Variants in PARP8 observed in about 807,000 individuals in gnomAD.
The protein encoded by PARP8 is poly(ADP-ribose) polymerase family member 8, also known as protein mono-ADP-ribosyltransferase PARP8.
In PARP8, 51 loss-of-function variants were observed where a neutral mutation model predicts 124.1. That is an observed-to-expected ratio of 0.41 (90% CI 0.33 to 0.52). The LOEUF (loss-of-function observed/expected upper bound fraction) is 0.52. PARP8 is among the 20% of genes least tolerant of loss of function. PARP8 has a pLI of 0.21. For synonymous variants in PARP8, 391 were observed against 361.5 expected (o/e 1.08, Z -0.93); for missense variants, 860 against 1,018.9 (o/e 0.84, Z 2.12).
At chr5:50,670,914 C>T (rs1033212988) in intron 2 of PARP8, among the ~76,000 whole-genome samples, 4 of 152,178 alleles carry the variant, frequency 2.6e-5, no homozygotes, top group African/African-American at 7.2e-5. Flanking sequence ...GTAGCATTTA[C>T]ATATGCTTGA....
At chr5:50,732,792 G>C (rs1257745469) in intron 2 of PARP8, among the ~76,000 whole-genome samples, 1 of 151,576 alleles carries the variant, frequency 6.6e-6, no homozygotes, top group Admixed American at 6.6e-5. Flanking sequence ...CTAATTTTTT[G>C]TATTTTTATT....
At chr5:50,724,368 T>C (rs1756205256) in intron 2 of PARP8, among the ~76,000 whole-genome samples, 1 of 152,156 alleles carries the variant, frequency 6.6e-6, no homozygotes, top group Non-Finnish European at 1.5e-5. Context: ...ATCAAATGTG[T>C]TGCTTTATTT....
intron 2 of PARP8, among the ~76,000 whole-genome samples, chr5:50,700,395 G>A (rs1753470363): frequency 1.3e-5 from 2 of 152,166 alleles, no homozygotes; most frequent in African/African-American, 2.4e-5. Context: ...AAGATAATAA[G>A]TTTAAAGATA....
At chr5:50,711,313 A>G (rs1442605014) in intron 2 of PARP8, among the ~76,000 whole-genome samples, 1 of 152,122 alleles carries the variant, frequency 6.6e-6, no homozygotes, top group East Asian at 1.9e-4. Flanking sequence ...GTGAAAATGC[A>G]TGGCCCTCTC....
rs994861595 is a variant in PARP8, at chr5:50,810,602, C to T, written c.1576-4830C>T. ...TTGAATAAGATGTTCCTTCTGTGAG[C>T]GAGAGAGACATCTAATCACTTAATG... On this transcript the variant is annotated intron_variant, in intron 14 of 25. Coordinates refer to ENST00000281631, the MANE Select transcript of PARP8 (RefSeq NM_024615.4). Among the ~76,000 whole-genome samples the T allele has an allele frequency of 7.2e-5, 11 of 152,018 alleles. No homozygotes were observed. In the East Asian group the frequency reaches 1.2e-3, roughly 16 times the overall value.
intron 9 of PARP8, among the ~76,000 whole-genome samples, chr5:50,786,797 A>G (rs1284030813): frequency 6.6e-6 from 1 of 151,674 alleles, no homozygotes; most frequent in African/African-American, 2.4e-5. Flanking sequence ...TCTCTCCTCC[A>G]CCTACATAGA....
intron 14 of PARP8, among the ~76,000 whole-genome samples, chr5:50,810,538 A>G (rs1398618280): frequency 6.6e-6 from 1 of 152,010 alleles, no homozygotes; most frequent in East Asian, 1.9e-4. Flanking sequence ...CAATATAACT[A>G]CTTGTGTGTC....
At chr5:50,741,414 C>T (rs749795528) in intron 2 of PARP8, among the ~76,000 whole-genome samples, 5 of 152,040 alleles carry the variant, frequency 3.3e-5, no homozygotes, top group Non-Finnish European at 7.4e-5. Context: ...GTAAAAAAAC[C>T]ATTTTCTCAC....
chr5:50,739,362 CT>C (rs200386136), intron 2 of PARP8, among the ~76,000 whole-genome samples: 2,243 of 148,902 alleles, frequency 0.015, 58 homozygotes, highest in African/African-American at 0.054. Flanking sequence ...ATTTATTCTG[CT>C]TTTACTCATT....
intron 2 of PARP8, among the ~76,000 whole-genome samples, chr5:50,696,911 G>T (rs1753089968): frequency 6.6e-6 from 1 of 152,230 alleles, no homozygotes; most frequent in East Asian, 1.9e-4. Context: ...TGCCTTGGGT[G>T]TTCTTTTTCT....
At chr5:50,673,122 G>A (rs1443792639) in intron 2 of PARP8, among the ~76,000 whole-genome samples, 3 of 152,098 alleles carry the variant, frequency 2.0e-5, no homozygotes, top group Admixed American at 6.5e-5. Flanking sequence ...TTTTTTAAAA[G>A]TGTGTTCCTT....
chr5:50,679,546 A>G (rs938702663), intron 2 of PARP8, among the ~76,000 whole-genome samples: 3 of 152,160 alleles, frequency 2.0e-5, no homozygotes, highest in African/African-American at 7.2e-5. Context: ...CCACCCTCCC[A>G]TATCCTTAGA....
In PARP8 at chr5:50,842,164, A is replaced by G; in HGVS notation, c.*96A>G. The G allele has an allele frequency of 2.4e-6, 2 of 847,140 alleles. No individual in the cohort carries two copies. The highest frequency in any genetic ancestry group is 2.9e-5 in the East Asian group (1 of 34,246). 52.5% of individuals were successfully genotyped at this position (847,140 alleles called of 1,614,324 possible). On this transcript the variant is annotated 3_prime_UTR_variant, in exon 26 of 26. Coordinates refer to ENST00000281631, the MANE Select transcript of PARP8 (RefSeq NM_024615.4). ...GATTATAAAATTATTTATTGTTATT[A>G]TAAACAAAATTAACCCTTTGAATAC...
chr5:50,750,033 G>T (rs1759054119), intron 2 of PARP8, 118 bp from the exon 3 acceptor site: 1 of 783,470 alleles, frequency 1.3e-6, no homozygotes. Flanking sequence ...GAAGTTTCCT[G>T]TTTATACTTA....
chr5:50,828,519 A>C, intron 21 of PARP8, 135 bp downstream of exon 21: 6 of 722,260 alleles, frequency 8.3e-6, no homozygotes, highest in South Asian at 1.7e-5. Context: ...TCTAGTAGGC[A>C]TACTAGAACT....
intron 2 of PARP8, among the ~76,000 whole-genome samples, chr5:50,684,423 A>G (rs1396812029): frequency 8.0e-6 from 1 of 125,722 alleles, no homozygotes; most frequent in African/African-American, 2.9e-5. Context: ...CTGTAAAGAT[A>G]TAAGAATGCT....
chr5:50,747,776 T>G (rs1324377637), intron 2 of PARP8, among the ~76,000 whole-genome samples: 37 of 125,872 alleles, frequency 2.9e-4, no homozygotes, highest in African/African-American at 1.1e-3. Flanking sequence ...TTTTTTTTTT[T>G]TTTTTTTTTT....
rs562092063 is a variant in PARP8, at chr5:50,821,983, G to T, written c.1795-352G>T. Among the ~76,000 whole-genome samples the T allele has an allele frequency of 1.3e-3, 202 of 152,302 alleles. 1 individual carries two copies. The highest frequency in any genetic ancestry group is 4.8e-3 in the African/African-American group (200 of 41,576). ...TAAAATAAAAGCGGTTGTGAGATTTGAAGTGGGTTTTTGTATTTTAGGATT... is the reference window on the plus strand; with the variant it reads ...TAAAATAAAAGCGGTTGTGAGATTTTAAGTGGGTTTTTGTATTTTAGGATT... On this transcript the variant is annotated intron_variant, in intron 16 of 25. Coordinates refer to ENST00000281631, the MANE Select transcript of PARP8 (RefSeq NM_024615.4).
chr5:50,813,311 C>G (rs915666865), intron 14 of PARP8, among the ~76,000 whole-genome samples: 38 of 152,238 alleles, frequency 2.5e-4, no homozygotes, highest in African/African-American at 8.7e-4. Context: ...TCCTTCACAT[C>G]CCTTGTAAGT....
Sources: gnomAD v4.1 joint callset for allele counts (sites outside exome capture counted in the v4.1 genomes callset) on GRCh38, gnomAD v4.1.1 for gene constraint, MANE v1.5 for transcripts, NCBI Gene and HGNC (gene_info 2026-07-23, HGNC 2026-07-21) for gene names.